The following FRS2 variants were observed in gnomAD, a reference collection of about 807,000 sequenced individuals.
FRS2 encodes FGFR signalling adaptor.
FRS2 carries 8 observed loss-of-function variants against 43.9 expected under a neutral mutation model. The ratio of observed to expected loss-of-function variants is 0.18; its 90% CI spans 0.11 to 0.33. The LOEUF is 0.33. FRS2 is among the 10% of genes least tolerant of loss of function. The probability of loss-of-function intolerance (pLI) is 1.00; values close to 1 mark genes in which losing one functional copy is unlikely to be tolerated. For missense variants in FRS2, 534 were observed against 627.6 expected, an observed-to-expected ratio of 0.85 and a Z score of 1.59; for synonymous variants, 219 against 220.3, an observed-to-expected ratio of 0.99 and a Z score of 0.05.
chr12:69,530,944 G>A lies in FRS2; in HGVS notation c.-181G>A, dbSNP rs542576248. The A allele has an allele frequency of 6.6e-6, 1 of 152,216 alleles. No individual in the cohort carries two copies. The highest frequency in any genetic ancestry group is 2.1e-4 in the South Asian group (1 of 4,804). 9.4% of individuals were successfully genotyped at this position (152,216 alleles called of 1,614,324 possible). On this transcript the variant is annotated 5_prime_UTR_variant, in exon 2 of 9. It introduces an in-frame stop codon into an upstream open reading frame of the 5' UTR. Transcript: ENST00000549921. ...TGTCATAAAGTAAGATGCAGCTGTG[G>A]CATGTCAACCAGCTTGGTAAGTGTG...
chr12:69,480,320 G>A (rs1206596990), intron 1 of FRS2: 4 of 152,080 alleles, frequency 2.6e-5, no homozygotes, highest in Admixed American at 2.6e-4. Flanking sequence ...CACTATTTGA[G>A]TTTCTGCCTC....
intron 3 of FRS2, among the ~76,000 whole-genome samples, chr12:69,546,280 CAG>C (rs1565763699): frequency 6.6e-6 from 1 of 151,652 alleles, no homozygotes; most frequent in African/African-American, 2.4e-5. Context: ...TTTTTGGAGA[CAG>C]AGTCTCGCTG....
chr12:69,475,454 C>T (rs1305741500), intron 1 of FRS2, among the ~76,000 whole-genome samples: 1 of 152,142 alleles, frequency 6.6e-6, no homozygotes, highest in Non-Finnish European at 1.5e-5. Flanking sequence ...CATTTAGCTT[C>T]AGTCTAAATG....
chr12:69,477,655 A>G (rs1285998003), intron 1 of FRS2, among the ~76,000 whole-genome samples: 3 of 151,394 alleles, frequency 2.0e-5, no homozygotes, highest in Non-Finnish European at 4.4e-5. Flanking sequence ...TTATATCCCT[A>G]TGACATGGCT....
intron 3 of FRS2, among the ~76,000 whole-genome samples, chr12:69,560,691 A>G (rs1879805319): frequency 6.6e-6 from 1 of 152,202 alleles, no homozygotes; most frequent in Non-Finnish European, 1.5e-5. Context: ...GGCATACAGT[A>G]AGGTAAATTA....
In FRS2 at chr12:69,496,777, G is replaced by T. The variant is rs186917252; in HGVS notation, c.-261+26247G>T. Among the ~76,000 whole-genome samples the T allele has an allele frequency of 1.4e-3, 213 of 152,220 alleles. 2 individuals carry two copies. The highest frequency in any genetic ancestry group is 4.8e-3 in the African/African-American group (199 of 41,522). ...TCTTTACCATTTGCCTACAAAAATCGTTGCTTAGGGCATAACAAATAGGAA... is the reference window on the plus strand; with the variant it reads ...TCTTTACCATTTGCCTACAAAAATCTTTGCTTAGGGCATAACAAATAGGAA... On this transcript the variant is annotated intron_variant, in intron 1 of 8. Coordinates refer to ENST00000549921, the MANE Select transcript of FRS2 (RefSeq NM_001278356.2).
intron 1 of FRS2, among the ~76,000 whole-genome samples, chr12:69,502,450 T>C (rs1873541363): frequency 6.6e-6 from 1 of 152,012 alleles, no homozygotes; most frequent in East Asian, 1.9e-4. Flanking sequence ...CCCAGGCTGG[T>C]GTCAAACTCC....
chr12:69,501,124 G>A (rs1161777042), intron 1 of FRS2, among the ~76,000 whole-genome samples: 1 of 151,440 alleles, frequency 6.6e-6, no homozygotes, highest in Admixed American at 6.6e-5. Flanking sequence ...CCCAATTTAA[G>A]ATGAACTTTT....
chr12:69,517,978 G>T lies in FRS2; in HGVS notation c.-260-12887G>T, dbSNP rs930764464. 2.0e-5 allele frequency among the ~76,000 whole-genome samples: 3 copies of T among 151,388 alleles called. No homozygotes were observed. In the South Asian group the frequency reaches 6.3e-4, roughly 32 times the overall value. On this transcript the variant is annotated intron_variant, in intron 1 of 8. Coordinates refer to ENST00000549921, the MANE Select transcript of FRS2 (RefSeq NM_001278356.2). The stretch of plus-strand genomic sequence containing the variant: ...CTTCTTAGCATTTTTTTCCTATATT[G>T]CATTTATATATAAAATATTAAGCAT...
chr12:69,498,519 T>TTGTGTGTGTG (rs71094717), intron 1 of FRS2, among the ~76,000 whole-genome samples: 7,047 of 141,502 alleles, frequency 0.05, 342 homozygotes, highest in African/African-American at 0.13. Context: ...TTATGAGGGT[T>TTGTGTGTGTG]TGTGTGTGTG....
At chr12:69,483,916 T>C (rs1447556829) in intron 1 of FRS2, among the ~76,000 whole-genome samples, 1 of 152,194 alleles carries the variant, frequency 6.6e-6, no homozygotes, top group East Asian at 1.9e-4. Flanking sequence ...TGGGTATTAG[T>C]GCTGTTTTCT....
At chr12:69,548,403 G>A (rs1321258835) in intron 3 of FRS2, among the ~76,000 whole-genome samples, 1 of 152,200 alleles carries the variant, frequency 6.6e-6, no homozygotes, top group African/African-American at 2.4e-5. Context: ...TGTGAAGGAT[G>A]ACTGCAAGAT....
intron 3 of FRS2, chr12:69,538,064 T>C (rs1877480844): frequency 6.6e-6 from 1 of 152,414 alleles, no homozygotes; most frequent in African/African-American, 2.4e-5. Flanking sequence ...ATCTATATAG[T>C]CTGTCTCCCG....
chr12:69,562,619 G>GT (rs1375549215), intron 4 of FRS2, among the ~76,000 whole-genome samples: 2 of 152,100 alleles, frequency 1.3e-5, no homozygotes, highest in African/African-American at 4.8e-5. Context: ...CAGCAAACTT[G>GT]TTATAGCATT....
At chr12:69,515,965 C>T (rs1328858049) in intron 1 of FRS2, among the ~76,000 whole-genome samples, 1 of 131,454 alleles carries the variant, frequency 7.6e-6, no homozygotes, top group African/African-American at 2.8e-5. Context: ...CGGGAAATAT[C>T]CAGCTTGGTT....
At chr12:69,498,692 G>A (rs1473393308) in intron 1 of FRS2, among the ~76,000 whole-genome samples, 1 of 152,098 alleles carries the variant, frequency 6.6e-6, no homozygotes, top group Non-Finnish European at 1.5e-5. Context: ...GAGAAGTGGG[G>A]GAAGTCTGGC....
At chr12:69,488,981 T>A (rs1872208498) in intron 1 of FRS2, among the ~76,000 whole-genome samples, 1 of 152,180 alleles carries the variant, frequency 6.6e-6, no homozygotes, top group South Asian at 2.1e-4. Flanking sequence ...AGAGCTTTAC[T>A]TTTGTAAGTT....
chr12:69,514,112 A>G (rs537221166), intron 1 of FRS2, among the ~76,000 whole-genome samples: 52 of 152,252 alleles, frequency 3.4e-4, no homozygotes, highest in Non-Finnish European at 6.3e-4. Context: ...CATGATGTCA[A>G]TCAGAATTTT....
At chr12:69,529,555 A>G (rs1876585231) in intron 1 of FRS2, among the ~76,000 whole-genome samples, 1 of 151,208 alleles carries the variant, frequency 6.6e-6, no homozygotes, top group South Asian at 2.1e-4. Flanking sequence ...TGGGAGGCAG[A>G]GGTTGCAGTG....
Sources: gnomAD v4.1 joint callset for allele counts (sites outside exome capture counted in the v4.1 genomes callset) on GRCh38, gnomAD v4.1.1 for gene constraint, MANE v1.5 for transcripts, NCBI Gene and HGNC (gene_info 2026-07-23, HGNC 2026-07-21) for gene names.